Variants in SGCZ observed in about 807,000 individuals in gnomAD.
The protein encoded by SGCZ is zeta-sarcoglycan.
In SGCZ, 40 loss-of-function variants were observed where a neutral mutation model predicts 41.3. The ratio of observed to expected loss-of-function variants is 0.97; its 90% CI spans 0.75 to 1.26. The LOEUF (loss-of-function observed/expected upper bound fraction) is 1.26, where lower values mean the gene tolerates loss of function less well. SGCZ is among the 50% of genes most tolerant of loss of function. The pLI is 0.00. For missense variants in SGCZ, 552 were observed against 369.8 expected (o/e 1.49, Z -4.04); for synonymous variants, 206 against 137.5 (o/e 1.50, Z -3.49).
chr8:14,902,978 T>G (rs1799015561), intron 1 of SGCZ, among the ~76,000 whole-genome samples: 1 of 152,174 alleles, frequency 6.6e-6, no homozygotes, highest in Non-Finnish European at 1.5e-5. Flanking sequence ...GTGAATTGAC[T>G]GGAAATATGT....
intron 2 of SGCZ, chr8:14,488,020 T>TA (rs1307255050): frequency 6.6e-6 from 1 of 151,444 alleles, no homozygotes; most frequent in Non-Finnish European, 1.5e-5. Context: ...TGAGAAGCTT[T>TA]AAAAAACAAC....
intron 1 of SGCZ, among the ~76,000 whole-genome samples, chr8:15,161,728 G>T (rs1282173633): frequency 6.6e-6 from 1 of 152,164 alleles, no homozygotes; most frequent in Non-Finnish European, 1.5e-5. Context: ...ACATCAAACA[G>T]TTGGCAATTA....
intron 1 of SGCZ, among the ~76,000 whole-genome samples, chr8:15,029,535 T>G (rs1803581682): frequency 6.6e-6 from 1 of 152,108 alleles, no homozygotes; most frequent in Non-Finnish European, 1.5e-5. Context: ...CAGTGAATAT[T>G]TAGTTAGTAT....
chr8:15,125,884 G>A (rs977182779), intron 1 of SGCZ, among the ~76,000 whole-genome samples: 2 of 152,120 alleles, frequency 1.3e-5, no homozygotes, highest in East Asian at 1.9e-4. Flanking sequence ...AGTGGCTCAC[G>A]CCTGTAATCC....
intron 3 of SGCZ, among the ~76,000 whole-genome samples, chr8:14,245,375 GA>G (rs1316207401): frequency 6.6e-6 from 1 of 152,154 alleles, no homozygotes; most frequent in Non-Finnish European, 1.5e-5. Context: ...ATGGTGCTGG[GA>G]AAACTGGCTA....
chr8:14,387,590 A>C (rs1164862212), intron 2 of SGCZ, among the ~76,000 whole-genome samples: 1 of 152,118 alleles, frequency 6.6e-6, no homozygotes, highest in Non-Finnish European at 1.5e-5. Context: ...TAAGACAATA[A>C]AGATGTGATA....
At chr8:14,188,734 G>A (rs1563174910) in intron 4 of SGCZ, among the ~76,000 whole-genome samples, 1 of 150,926 alleles carries the variant, frequency 6.6e-6, no homozygotes, top group African/African-American at 2.4e-5. Flanking sequence ...CTTCTAGCAA[G>A]TTTCATTGAT....
intron 1 of SGCZ, among the ~76,000 whole-genome samples, chr8:14,822,170 T>C (rs571368652): frequency 3.2e-4 from 48 of 151,536 alleles, no homozygotes; most frequent in African/African-American, 1.1e-3. Context: ...CATTCAAAAA[T>C]GGATAGCGTT....
chr8:14,509,343 A>G (rs1423928889), intron 2 of SGCZ, among the ~76,000 whole-genome samples: 2 of 152,214 alleles, frequency 1.3e-5, no homozygotes, highest in South Asian at 2.1e-4. Flanking sequence ...AAATATCTCT[A>G]TCACACCATT....
intron 2 of SGCZ, among the ~76,000 whole-genome samples, chr8:14,386,540 A>T (rs1804585371): frequency 6.6e-6 from 1 of 152,016 alleles, no homozygotes; most frequent in Admixed American, 6.6e-5. Context: ...TAATCATCAA[A>T]CAGTTTTTAG....
At chr8:14,936,454 C>G (rs1011964272) in intron 1 of SGCZ, among the ~76,000 whole-genome samples, 2 of 151,744 alleles carry the variant, frequency 1.3e-5, no homozygotes, top group African/African-American at 4.8e-5. Context: ...GAAAACTGTA[C>G]TTAAAGTTAA....
intron 3 of SGCZ, among the ~76,000 whole-genome samples, chr8:14,295,780 T>C (rs976322927): frequency 1.3e-5 from 2 of 152,048 alleles, no homozygotes; most frequent in South Asian, 2.1e-4. Context: ...AACCAATAGA[T>C]TGAATGAAAG....
At chr8:15,037,943 T>C (rs569691495) in intron 1 of SGCZ, among the ~76,000 whole-genome samples, 8 of 152,094 alleles carry the variant, frequency 5.3e-5, no homozygotes, top group African/African-American at 1.2e-4. Flanking sequence ...TTATAAAACA[T>C]TGATGAAAGA....
intron 1 of SGCZ, among the ~76,000 whole-genome samples, chr8:14,795,615 T>TTAAG (rs1430453328): frequency 6.6e-6 from 1 of 152,134 alleles, no homozygotes; most frequent in Non-Finnish European, 1.5e-5. Flanking sequence ...TGCGTGCAAA[T>TTAAG]TAAGCCCTCA....
At chr8:15,142,017 A>G (rs970706946) in intron 1 of SGCZ, among the ~76,000 whole-genome samples, 2 of 152,336 alleles carry the variant, frequency 1.3e-5, no homozygotes, top group South Asian at 2.1e-4. Context: ...AGAAAGCTCA[A>G]TTGGAAAGAC....
At chr8:15,064,445 C>G (rs547408543) in intron 1 of SGCZ, among the ~76,000 whole-genome samples, 58 of 145,240 alleles carry the variant, frequency 4.0e-4, no homozygotes, top group African/African-American at 1.5e-3. Context: ...TCTAGACAAA[C>G]AAAGAAATTA....
At chr8:14,368,779 G>A (rs532462583) in intron 2 of SGCZ, among the ~76,000 whole-genome samples, 117 of 152,130 alleles carry the variant, frequency 7.7e-4, no homozygotes, top group Non-Finnish European at 1.2e-3. Context: ...GCAGCACCAT[G>A]TTTGTAATGT....
chr8:15,074,253 G>A (rs1042659857), intron 1 of SGCZ, among the ~76,000 whole-genome samples: 1 of 152,064 alleles, frequency 6.6e-6, no homozygotes, highest in Admixed American at 6.6e-5. Context: ...TCTTTAGGAC[G>A]TTAGTCCAAA....
chr8:14,881,800 C>T (rs1484256440), intron 1 of SGCZ, among the ~76,000 whole-genome samples: 1 of 152,200 alleles, frequency 6.6e-6, no homozygotes, highest in Non-Finnish European at 1.5e-5. Flanking sequence ...CCACATGGCA[C>T]TTACTCTAAA....
Sources: gnomAD v4.1 joint callset for allele counts (sites outside exome capture counted in the v4.1 genomes callset) on GRCh38, gnomAD v4.1.1 for gene constraint, MANE v1.5 for transcripts, NCBI Gene and HGNC (gene_info 2026-07-23, HGNC 2026-07-21) for gene names.